RSU1: variants seen among roughly 807,000 people sequenced by gnomAD.
RSU1 encodes the protein rsu-1.
Under a neutral mutation model 31.1 loss-of-function variants are expected in RSU1, and 26 were observed. The ratio of observed to expected loss-of-function variants is 0.84; its 90% CI spans 0.61 to 1.16. The LOEUF (loss-of-function observed/expected upper bound fraction) is 1.16. Ranked by LOEUF, RSU1 falls within the 50% of genes most tolerant of loss-of-function variation. RSU1 has a pLI of 0.00. For missense variants in RSU1, 320 were observed against 339.1 expected (o/e 0.94, Z 0.44); for synonymous variants, 164 against 136.3 (o/e 1.20, Z -1.41).
chr10:16,699,528 C>A (rs1236698351), intron 7 of RSU1, among the ~76,000 whole-genome samples: 2 of 152,340 alleles, frequency 1.3e-5, no homozygotes, highest in South Asian at 4.1e-4. Flanking sequence ...CATCTCACCC[C>A]GCTGTCAGTC....
At chr10:16,809,760 AG>A (rs1481768636) in intron 2 of RSU1, among the ~76,000 whole-genome samples, 1 of 152,192 alleles carries the variant, frequency 6.6e-6, no homozygotes, top group African/African-American at 2.4e-5. Context: ...TAAATAATAC[AG>A]GGTATGGTTT....
chr10:16,601,293 C>A (rs1833710829), intron 8 of RSU1, among the ~76,000 whole-genome samples: 1 of 152,138 alleles, frequency 6.6e-6, no homozygotes. Flanking sequence ...TTTTTGGTCA[C>A]CATATTAATC....
At chr10:16,632,816 T>C (rs1354141406) in intron 8 of RSU1, among the ~76,000 whole-genome samples, 3 of 151,938 alleles carry the variant, frequency 2.0e-5, no homozygotes, top group Non-Finnish European at 4.4e-5. Flanking sequence ...GTGGTGCACA[T>C]CTGTACACGT....
At chr10:16,672,037 G>A (rs1588706127) in intron 8 of RSU1, among the ~76,000 whole-genome samples, 1 of 150,410 alleles carries the variant, frequency 6.6e-6, no homozygotes, top group Non-Finnish European at 1.5e-5. Flanking sequence ...GGTGGCTCAT[G>A]CCTGTAATCC....
chr10:16,642,903 A>G (rs1441629646), intron 8 of RSU1, among the ~76,000 whole-genome samples: 5 of 152,256 alleles, frequency 3.3e-5, no homozygotes, highest in Non-Finnish European at 7.3e-5. Context: ...TATTCTTTAA[A>G]TAACAAGTCA....
At chr10:16,593,980 A>C (rs1189450895) in intron 8 of RSU1, among the ~76,000 whole-genome samples, 1 of 152,226 alleles carries the variant, frequency 6.6e-6, no homozygotes, top group African/African-American at 2.4e-5. Context: ...ACCACACATC[A>C]ATGCCACATT....
At chr10:16,732,343 G>A (rs1836531759) in intron 7 of RSU1, among the ~76,000 whole-genome samples, 1 of 152,136 alleles carries the variant, frequency 6.6e-6, no homozygotes, top group Non-Finnish European at 1.5e-5. Flanking sequence ...AGCCCTAAGT[G>A]CTAATGTGAT....
At chr10:16,727,205 A>G in intron 7 of RSU1, 1 of 452,048 alleles carries the variant, frequency 2.2e-6, no homozygotes, top group Non-Finnish European at 4.5e-6. Context: ...ACCTGGGCGG[A>G]AAGAGTGACG....
intron 2 of RSU1, among the ~76,000 whole-genome samples, chr10:16,806,421 C>G (rs1564364700): frequency 6.6e-6 from 1 of 152,184 alleles, no homozygotes; most frequent in African/African-American, 2.4e-5. Context: ...GGCTTCAAAT[C>G]TGGGCTCTAC....
At chr10:16,695,222 CT>C (rs1227494374) in intron 7 of RSU1, 67 bp from the exon 8 acceptor site, 2 of 1,473,110 alleles carry the variant, frequency 1.4e-6, no homozygotes, top group Non-Finnish European at 1.8e-6. Flanking sequence ...AGAAGTCCTT[CT>C]CAGTAATCAC....
At chr10:16,801,651 C>A (rs1838157825) in intron 2 of RSU1, among the ~76,000 whole-genome samples, 1 of 152,044 alleles carries the variant, frequency 6.6e-6, no homozygotes, top group Non-Finnish European at 1.5e-5. Flanking sequence ...CCATAAAACA[C>A]CCCTTAAACT....
At chr10:16,605,350 C>A (rs941061475) in intron 8 of RSU1, among the ~76,000 whole-genome samples, 2 of 152,146 alleles carry the variant, frequency 1.3e-5, no homozygotes, top group Non-Finnish European at 2.9e-5. Context: ...ATTCCTAGAG[C>A]ACCAGAACCT....
intron 8 of RSU1, among the ~76,000 whole-genome samples, chr10:16,636,588 C>A (rs1834348137): frequency 6.6e-6 from 1 of 152,122 alleles, no homozygotes; most frequent in South Asian, 2.1e-4. Flanking sequence ...TTACTCTGAT[C>A]TTGTCACTCT....
chr10:16,714,944 A>C (rs1312277916), intron 7 of RSU1, among the ~76,000 whole-genome samples: 2 of 152,112 alleles, frequency 1.3e-5, no homozygotes, highest in Non-Finnish European at 2.9e-5. Context: ...TATATCAAAG[A>C]CTGCTAGCAT....
chr10:16,736,310 T>G (rs889656939), intron 7 of RSU1, among the ~76,000 whole-genome samples: 1 of 152,070 alleles, frequency 6.6e-6, no homozygotes, highest in Non-Finnish European at 1.5e-5. Flanking sequence ...AAGGAAGATA[T>G]AAGCTAAACA....
chr10:16,613,058 C>T (rs1833920388), intron 8 of RSU1, among the ~76,000 whole-genome samples: 1 of 151,998 alleles, frequency 6.6e-6, no homozygotes, highest in Non-Finnish European at 1.5e-5. Context: ...AATTCAACAC[C>T]CAGAATAATG....
At chr10:16,728,924 T>C (rs950247484) in intron 7 of RSU1, among the ~76,000 whole-genome samples, 11 of 152,196 alleles carry the variant, frequency 7.2e-5, no homozygotes, top group African/African-American at 2.7e-4. Flanking sequence ...TTGGGTGACA[T>C]GTGGAGTCTA....
chr10:16,694,894 A>G (rs1835641854), intron 8 of RSU1, 129 bp downstream of exon 8: 1 of 886,400 alleles, frequency 1.1e-6, no homozygotes, highest in East Asian at 2.7e-5. Flanking sequence ...GCAGTTTTTA[A>G]TAAAACATCT....
chr10:16,648,638 A>C (rs1209869028), intron 8 of RSU1, among the ~76,000 whole-genome samples: 1 of 152,162 alleles, frequency 6.6e-6, no homozygotes, highest in African/African-American at 2.4e-5. Flanking sequence ...TTCTAAAATC[A>C]AATGGGAAAT....
Sources: allele counts gnomAD v4.1 joint callset (sites outside exome capture counted in the v4.1 genomes callset), GRCh38; gene constraint gnomAD v4.1.1; transcripts MANE v1.5; gene names NCBI Gene and HGNC (gene_info 2026-07-23, HGNC 2026-07-21).